Variants in FNDC3B observed in about 807,000 individuals in gnomAD.
The protein encoded by FNDC3B is fibronectin type III domain-containing protein 3B.
FNDC3B carries 12 observed loss-of-function variants against 151.5 expected under a neutral mutation model. That is an observed-to-expected ratio of 0.08 (90% CI 0.05 to 0.13). FNDC3B has a LOEUF of 0.13. Among genes scored for constraint, FNDC3B ranks in the 10% least tolerant of loss-of-function variants. The probability of loss-of-function intolerance (pLI) is 1.00; values close to 1 mark genes in which losing one functional copy is unlikely to be tolerated. For missense variants in FNDC3B, 1,214 were observed against 1,505.3 expected, an observed-to-expected ratio of 0.81 and a Z score of 3.20; for synonymous variants, 528 against 549.0, an observed-to-expected ratio of 0.96 and a Z score of 0.54.
At chr3:172,261,268 T>C (rs1728633233) in intron 6 of FNDC3B, among the ~76,000 whole-genome samples, 1 of 152,194 alleles carries the variant, frequency 6.6e-6, no homozygotes, top group African/African-American at 2.4e-5. Context: ...TTTCTGTTAA[T>C]ACCTTATCTG....
intron 11 of FNDC3B, among the ~76,000 whole-genome samples, chr3:172,313,379 T>G (rs1309097449): frequency 6.6e-6 from 1 of 152,204 alleles, no homozygotes; most frequent in Non-Finnish European, 1.5e-5. Flanking sequence ...GTCCTTAGTT[T>G]TTTCCATCTG....
chr3:172,192,073 T>A (rs1724540803), intron 3 of FNDC3B, among the ~76,000 whole-genome samples: 1 of 152,122 alleles, frequency 6.6e-6, no homozygotes. Context: ...CAATTTTAAG[T>A]TTACCTGGGA....
intron 3 of FNDC3B, among the ~76,000 whole-genome samples, chr3:172,191,798 C>T (rs1207999408): frequency 2.6e-5 from 4 of 152,014 alleles, no homozygotes; most frequent in Non-Finnish European, 4.4e-5. Context: ...ATTCTTGTGT[C>T]AGGCACTGTG....
chr3:172,265,369 G>A (rs1203711284), intron 6 of FNDC3B, among the ~76,000 whole-genome samples: 1 of 152,118 alleles, frequency 6.6e-6, no homozygotes, highest in Non-Finnish European at 1.5e-5. Context: ...AAGAACTCAG[G>A]TAATGTGTCC....
intron 7 of FNDC3B, among the ~76,000 whole-genome samples, chr3:172,292,356 T>C (rs1400580123): frequency 6.6e-6 from 1 of 152,246 alleles, no homozygotes; most frequent in African/African-American, 2.4e-5. Flanking sequence ...CATTGCATGC[T>C]GATGACAGTG....
At chr3:172,125,326 C>T (rs1324965199) in intron 2 of FNDC3B, among the ~76,000 whole-genome samples, 2 of 138,232 alleles carry the variant, frequency 1.4e-5, no homozygotes, top group Non-Finnish European at 2.9e-5. Context: ...TTCCGAAGCC[C>T]CAGTCCGGGT....
At chr3:172,311,110 G>A (rs979175255) in intron 11 of FNDC3B, among the ~76,000 whole-genome samples, 4 of 152,158 alleles carry the variant, frequency 2.6e-5, no homozygotes, top group Admixed American at 2.0e-4. Flanking sequence ...AAGCACTACT[G>A]CTGAAAGAAA....
chr3:172,197,381 T>C (rs1445754521), intron 3 of FNDC3B, among the ~76,000 whole-genome samples: 1 of 152,152 alleles, frequency 6.6e-6, no homozygotes, highest in African/African-American at 2.4e-5. Flanking sequence ...AGTAAATTGG[T>C]CTCTTGATGC....
intron 6 of FNDC3B, among the ~76,000 whole-genome samples, chr3:172,262,108 T>C (rs1728676345): frequency 6.6e-6 from 1 of 152,118 alleles, no homozygotes; most frequent in Non-Finnish European, 1.5e-5. Context: ...ACAAGTGGAA[T>C]GAAAGGAGCA....
intron 6 of FNDC3B, among the ~76,000 whole-genome samples, chr3:172,271,232 T>G (rs540470287): frequency 2.0e-5 from 3 of 152,346 alleles, no homozygotes; most frequent in African/African-American, 7.2e-5. Flanking sequence ...TTCATTACAT[T>G]TCATGTAATT....
In FNDC3B at chr3:172,352,642, G is replaced by A. The variant is rs1415377584; in HGVS notation, c.2515-161G>A. On this transcript the variant is annotated intron_variant, in intron 21 of 25. Transcript: ENST00000415807. This position sits in a 1 kb window ranked among gnomAD's most constrained non-coding sequence, Gnocchi z 4.2. ...GGAAAAAATGTGGTTAGCATTCTTT[G>A]GAAGGTGGTCATCAGATAGTAGACA... Among the ~76,000 whole-genome samples the A allele has an allele frequency of 6.6e-6, 1 of 152,184 alleles. No individual in the cohort carries two copies. The highest frequency in any genetic ancestry group is 2.4e-5 in the African/African-American group (1 of 41,428).
rs76687557 is a variant in FNDC3B, at chr3:172,318,979, C to T, written c.1254+8098C>T. ...GGTGCCACTTCATGATTAAAAGGAG[C>T]CCCCTCTTTTAGGGACCTCAGTCTC... On this transcript the variant is annotated intron_variant, in intron 11 of 25. Transcript: ENST00000415807. Among the ~76,000 whole-genome samples, 797 of 151,528 alleles carry T rather than the reference C, an allele frequency of 5.3e-3. 5 individuals carry two copies. Among genetic ancestry groups the T allele is most frequent in the Non-Finnish European group, 8.7e-3 (592 of 67,820 alleles).
intron 1 of FNDC3B, among the ~76,000 whole-genome samples, chr3:172,101,462 G>A (rs1044399799): frequency 9.9e-5 from 15 of 152,202 alleles, no homozygotes; most frequent in Non-Finnish European, 2.2e-4. Context: ...TGGGTACACA[G>A]TAAATATCTG....
intron 10 of FNDC3B, 80 bp downstream of exon 10, chr3:172,307,581 T>C: frequency 6.9e-7 from 1 of 1,440,294 alleles, no homozygotes; most frequent in Non-Finnish European, 9.6e-7. Flanking sequence ...TAGTCCCAGC[T>C]ACCTGGGAGG....
chr3:172,101,406 C>T (rs982922175), intron 1 of FNDC3B, among the ~76,000 whole-genome samples: 1 of 152,180 alleles, frequency 6.6e-6, no homozygotes, highest in African/African-American at 2.4e-5. Context: ...AACCTTATGC[C>T]TTTATTTCTA....
In FNDC3B at chr3:172,239,856, C is replaced by CTTTTTTTTTTTTT. The variant is rs71179981; in HGVS notation, c.265-7659_265-7647dup. On this transcript the variant is annotated intron_variant, in intron 4 of 25. Coordinates refer to ENST00000415807, the MANE Select transcript of FNDC3B (RefSeq NM_022763.4). The stretch of plus-strand genomic sequence containing the variant: ...TGTTTTTAGGAGATCCATTTTAGTT[C>CTTTTTTTTTTTTT]TTTTTTTTTTTTTTTTTTTTTTTTT... 1.8e-3 allele frequency among the ~76,000 whole-genome samples: 89 copies of CTTTTTTTTTTTTT among 49,922 alleles called. 19 individuals carry two copies. The highest frequency in any genetic ancestry group is 3.7e-3 in the African/African-American group (49 of 13,320). 32.8% of individuals were successfully genotyped at this position (49,922 alleles called of 152,430 possible). A position where few individuals can be genotyped will look rare whatever the true frequency, so the allele number is the denominator to read the frequency against.
intron 2 of FNDC3B, among the ~76,000 whole-genome samples, chr3:172,114,522 G>T (rs1473510485): frequency 1.3e-5 from 2 of 152,042 alleles, no homozygotes; most frequent in Non-Finnish European, 2.9e-5. Context: ...AGGCTACGTG[G>T]CATTTCCCTA....
At position 172,112,438 on chromosome 3, in the gene FNDC3B, C is replaced by T. The variant is rs112241324; in HGVS notation, c.-28-14C>T. On this transcript the variant is annotated splice_polypyrimidine_tract_variant and intron_variant, in intron 1 of 25. Transcript: ENST00000415807. ...GTTCTGAGTCCTTTTTAAAAAGCGG[C>T]GGTTCTCTTGCAGGAAGCCAGTTGA... The T allele has an allele frequency of 6.8e-5, 95 of 1,391,646 alleles. No individual in the cohort carries two copies. The highest frequency in any genetic ancestry group is 1.3e-4 in the African/African-American group (9 of 70,636). 86.2% of individuals were successfully genotyped at this position (1,391,646 alleles called of 1,614,324 possible).
At chr3:172,075,906 T>C (rs1717986830) in intron 1 of FNDC3B, among the ~76,000 whole-genome samples, 1 of 152,150 alleles carries the variant, frequency 6.6e-6, no homozygotes, top group African/African-American at 2.4e-5. Flanking sequence ...GACCCAAGAA[T>C]GGGTCCTGAC....
Sources: allele counts gnomAD v4.1 joint callset (sites outside exome capture counted in the v4.1 genomes callset), GRCh38; gene constraint gnomAD v4.1.1; non-coding constraint Gnocchi (gnomAD v3.1); transcripts MANE v1.5; gene names NCBI Gene and HGNC (gene_info 2026-07-23, HGNC 2026-07-21).